Variants in TRHDE observed in about 807,000 individuals in gnomAD.
TRHDE encodes the protein thyrotropin releasing hormone degrading enzyme.
TRHDE carries 72 observed loss-of-function variants against 125.7 expected under a neutral mutation model. The observed-to-expected ratio is 0.57, with a 90% CI of 0.47 to 0.70. The LOEUF is 0.70. Ranked by LOEUF, TRHDE falls within the 30% of genes least tolerant of loss-of-function variation. The pLI, the probability that TRHDE is intolerant of heterozygous loss-of-function variation, is 0.00. For synonymous variants in TRHDE, 509 were observed against 509.1 expected, an observed-to-expected ratio of 1.00 and a Z score of 0.00; for missense variants, 1,110 against 1,327.1, an observed-to-expected ratio of 0.84 and a Z score of 2.54.
At chr12:72,658,827 T>C (rs1389272990) in intron 18 of TRHDE, among the ~76,000 whole-genome samples, 1 of 152,192 alleles carries the variant, frequency 6.6e-6, no homozygotes, top group Non-Finnish European at 1.5e-5. Context: ...ATCTCTTCAC[T>C]CTGGAGTTAT....
At chr12:72,366,320 G>T (rs927920118) in intron 2 of TRHDE, among the ~76,000 whole-genome samples, 1 of 152,068 alleles carries the variant, frequency 6.6e-6, no homozygotes. Context: ...GGAAGTCCCT[G>T]TAAGTAACTT....
At chr12:72,246,900 T>C (rs1329972661) in intron 2 of TRHDE, among the ~76,000 whole-genome samples, 1 of 152,238 alleles carries the variant, frequency 6.6e-6, no homozygotes, top group African/African-American at 2.4e-5. Flanking sequence ...TTTTACTCTC[T>C]GACACAAATT....
chr12:72,279,323 C>T (rs1250223264), intron 1 of TRHDE, among the ~76,000 whole-genome samples: 2 of 125,288 alleles, frequency 1.6e-5, no homozygotes, highest in Non-Finnish European at 3.3e-5. Flanking sequence ...GCTTTACGGT[C>T]TTTAAGGAGG....
At chr12:72,231,795 T>G (rs1336635439) in intron 2 of TRHDE, among the ~76,000 whole-genome samples, 1 of 152,070 alleles carries the variant, frequency 6.6e-6, no homozygotes, top group African/African-American at 2.4e-5. Flanking sequence ...ACAACTGGAG[T>G]TAGGCTATGG....
intron 2 of TRHDE, among the ~76,000 whole-genome samples, chr12:72,168,438 G>A (rs371783882): frequency 6.6e-5 from 10 of 152,252 alleles, no homozygotes; most frequent in Admixed American, 2.6e-4. Flanking sequence ...AGGTTGTATG[G>A]TTCTGGGGTC....
chr12:72,467,190 G>C (rs1185419208), intron 3 of TRHDE, among the ~76,000 whole-genome samples: 2 of 152,026 alleles, frequency 1.3e-5, no homozygotes, highest in African/African-American at 2.4e-5. Context: ...ACATTAACTT[G>C]TCATTTAACA....
chr12:72,383,824 A>G (rs1420478179), intron 3 of TRHDE, among the ~76,000 whole-genome samples: 24 of 151,616 alleles, frequency 1.6e-4, no homozygotes, highest in Admixed American at 1.6e-3. Context: ...ATTCAAACCC[A>G]GGCTGTCTGG....
intron 3 of TRHDE, among the ~76,000 whole-genome samples, chr12:72,418,269 A>C (rs1461999475): frequency 6.6e-6 from 1 of 152,088 alleles, no homozygotes; most frequent in Non-Finnish European, 1.5e-5. Context: ...TAAGGTAAAT[A>C]TTAATTAAGG....
At chr12:72,618,069 G>T (rs1221124057) in intron 12 of TRHDE, among the ~76,000 whole-genome samples, 1 of 151,998 alleles carries the variant, frequency 6.6e-6, no homozygotes, top group African/African-American at 2.4e-5. Context: ...AATGTATTGT[G>T]GACTGTCATT....
At chr12:72,289,051 T>G (rs1320169293) in intron 2 of TRHDE, among the ~76,000 whole-genome samples, 2 of 152,180 alleles carry the variant, frequency 1.3e-5, no homozygotes, top group Non-Finnish European at 1.5e-5. Flanking sequence ...AAATCCAATC[T>G]GTTTTCTTTT....
At chr12:72,441,517 G>A (rs185122506) in intron 3 of TRHDE, among the ~76,000 whole-genome samples, 1 of 151,958 alleles carries the variant, frequency 6.6e-6, no homozygotes, top group Non-Finnish European at 1.5e-5. Context: ...AAAAGGACAG[G>A]AGGTGTGGGG....
At chr12:72,495,008 TCCAAA>T (rs1488888219) in intron 5 of TRHDE, among the ~76,000 whole-genome samples, 1 of 146,234 alleles carries the variant, frequency 6.8e-6, no homozygotes, top group Non-Finnish European at 1.5e-5. Flanking sequence ...TAGCATATCC[TCCAAA>T]CCAAACCTTT....
At chr12:72,414,445 G>T (rs1592427621) in intron 3 of TRHDE, among the ~76,000 whole-genome samples, 1 of 152,044 alleles carries the variant, frequency 6.6e-6, no homozygotes, top group Non-Finnish European at 1.5e-5. Flanking sequence ...AATAAAGAAA[G>T]AAGGATTAAA....
chr12:72,548,289 TCTC>T (rs1869518354), intron 7 of TRHDE, among the ~76,000 whole-genome samples: 1 of 151,666 alleles, frequency 6.6e-6, no homozygotes, highest in East Asian at 1.9e-4. Flanking sequence ...AATATTCCCT[TCTC>T]CTATAAATAA....
chr12:72,518,775 G>T (rs535521081), intron 6 of TRHDE, among the ~76,000 whole-genome samples: 40 of 152,136 alleles, frequency 2.6e-4, no homozygotes, highest in Non-Finnish European at 4.7e-4. Context: ...ATTTTGCAGC[G>T]GCTGGTACTG....
At chr12:72,528,732 C>T (rs367780298) in intron 6 of TRHDE, among the ~76,000 whole-genome samples, 6 of 152,044 alleles carry the variant, frequency 3.9e-5, no homozygotes, top group East Asian at 1.9e-4. Context: ...CGTGACCCCC[C>T]GCCTCTGCCT....
intron 2 of TRHDE, among the ~76,000 whole-genome samples, chr12:72,320,146 T>C (rs908980856): frequency 2.6e-5 from 4 of 152,128 alleles, no homozygotes; most frequent in Non-Finnish European, 4.4e-5. Flanking sequence ...CAGTTCTTGT[T>C]TGGAATGAGG....
intron 3 of TRHDE, among the ~76,000 whole-genome samples, chr12:72,434,197 C>T (rs566956611): frequency 6.9e-4 from 105 of 151,948 alleles, no homozygotes; most frequent in African/African-American, 2.2e-3. Flanking sequence ...GCAGCCTGGC[C>T]AACATAGTGA....
chr12:72,604,633 T>A (rs1456251874), intron 12 of TRHDE, among the ~76,000 whole-genome samples: 1 of 152,066 alleles, frequency 6.6e-6, no homozygotes, highest in African/African-American at 2.4e-5. Flanking sequence ...ATTCTTAAAC[T>A]AATATAATTC....
Sources: gnomAD v4.1 joint callset for allele counts (sites outside exome capture counted in the v4.1 genomes callset) on GRCh38, gnomAD v4.1.1 for gene constraint, MANE v1.5 for transcripts, NCBI Gene and HGNC (gene_info 2026-07-23, HGNC 2026-07-21) for gene names.